MCOLN2: variants seen among roughly 807,000 people sequenced by gnomAD.
MCOLN2 encodes mucolipin TRP cation channel 2.
A neutral mutation model predicts 67.5 loss-of-function variants in MCOLN2; 57 were observed. The observed-to-expected ratio is 0.84, with a 90% confidence interval of 0.68 to 1.05. The LOEUF is 1.05. Among genes scored for constraint, MCOLN2 ranks in the 50% least tolerant of loss-of-function variants. The probability of loss-of-function intolerance (pLI) is 0.00; values close to 1 mark genes in which losing one functional copy is unlikely to be tolerated. For missense variants in MCOLN2, 620 were observed against 678.8 expected, an observed-to-expected ratio of 0.91 and a Z score of 0.96; for synonymous variants, 246 against 233.3, an observed-to-expected ratio of 1.05 and a Z score of -0.50.
chr1:84,970,308 C>A (rs1240651729), intron 1 of MCOLN2, among the ~76,000 whole-genome samples: 1 of 149,660 alleles, frequency 6.7e-6, no homozygotes, highest in African/African-American at 2.5e-5. Flanking sequence ...GTGAGAAACA[C>A]TGAACTGAAG....
chr1:84,952,774 C>T (rs1038434670), intron 4 of MCOLN2, among the ~76,000 whole-genome samples: 2 of 152,216 alleles, frequency 1.3e-5, no homozygotes, highest in African/African-American at 4.8e-5. Flanking sequence ...CAGACATGTA[C>T]CTCCTGATAC....
At chr1:84,952,152 C>T (rs1648519420) in intron 6 of MCOLN2, 91 bp downstream of exon 6, 1 of 780,158 alleles carries the variant, frequency 1.3e-6, no homozygotes, top group East Asian at 2.6e-5. Flanking sequence ...GCATTTAACA[C>T]ATCTGTAGGC....
At chr1:84,981,287 A>T (rs1650244250) in intron 1 of MCOLN2, among the ~76,000 whole-genome samples, 2 of 152,232 alleles carry the variant, frequency 1.3e-5, no homozygotes, top group African/African-American at 4.8e-5. Context: ...CATATGATCT[A>T]GCAATCCCAC....
At chr1:84,987,065 T>C (rs892642793) in intron 1 of MCOLN2, among the ~76,000 whole-genome samples, 4 of 152,124 alleles carry the variant, frequency 2.6e-5, no homozygotes, top group East Asian at 1.9e-4. Context: ...ATGAAAAAGA[T>C]ACTTGTACAC....
intron 1 of MCOLN2, among the ~76,000 whole-genome samples, chr1:84,979,897 A>G (rs899753643): frequency 2.6e-5 from 4 of 152,218 alleles, no homozygotes; most frequent in South Asian, 4.1e-4. Context: ...CCTTGTTTGT[A>G]GATGAGATGA....
intron 7 of MCOLN2, among the ~76,000 whole-genome samples, chr1:84,946,268 T>C (rs1648098862): frequency 6.6e-6 from 1 of 152,226 alleles, no homozygotes; most frequent in Non-Finnish European, 1.5e-5. Context: ...TCATACTTTT[T>C]GTATGTATAC....
chr1:84,996,807 C>T lies in MCOLN2; in HGVS notation c.66G>A (p.Arg22=). ...CCCAGACTCCTCACCTGACGGTTAA[C>T]CTGAAAACACCTGATCCTCTCTCCG... The part of the protein sequence containing the change: ...RIPERGSGVF[R]LTVRNAMAHR... Residue 22 remains arginine, a synonymous_variant, in exon 1 of 14, where the codon AGG becomes AGA. Transcript: ENST00000370608. The T allele has an allele frequency of 6.2e-7, 1 of 1,614,070 alleles. No individual in the cohort carries two copies. Among genetic ancestry groups the T allele is most frequent in the South Asian group, 1.1e-5 (1 of 91,060 alleles).
chr1:84,970,045 C>T (rs932169101), intron 1 of MCOLN2, among the ~76,000 whole-genome samples: 1 of 152,220 alleles, frequency 6.6e-6, no homozygotes, highest in Non-Finnish European at 1.5e-5. Flanking sequence ...ACTTTCAGAT[C>T]TCCTGAGAAC....
rs534080055 is a variant in MCOLN2, at chr1:84,952,487, C to T, written c.609G>A (p.Pro203=). 17 of 1,613,182 alleles carry T rather than the reference C, an allele frequency of 1.1e-5. No homozygotes were observed. Among genetic ancestry groups the T allele is most frequent in the African/African-American group, 5.3e-5 (4 of 74,996 alleles). The change falls in exon 5 of 14, where the codon CCG becomes CCA. Residue 203 remains proline (P), a synonymous_variant. Coordinates refer to ENST00000370608, the MANE Select transcript of MCOLN2 (RefSeq NM_153259.4). The stretch of plus-strand genomic sequence containing the variant: ...TGAAGAATGATGAGTTCTTCCAGTC[C>T]GGAGGCTTCTTGGAGAGGTCCTGAA... The part of the protein sequence containing the change: ...LDLQDLSKKP[P]DWKNSSFFRL...
intron 7 of MCOLN2, among the ~76,000 whole-genome samples, chr1:84,944,306 G>A (rs1397914394): frequency 2.6e-5 from 4 of 152,106 alleles, no homozygotes; most frequent in African/African-American, 7.2e-5. Flanking sequence ...AGGCCGAGGC[G>A]GGCAGATCAT....
intron 1 of MCOLN2, among the ~76,000 whole-genome samples, chr1:84,986,191 G>A (rs896725902): frequency 6.6e-6 from 1 of 152,152 alleles, no homozygotes; most frequent in Non-Finnish European, 1.5e-5. Flanking sequence ...ATAAAGTGGG[G>A]AAAGGATACC....
In MCOLN2 at chr1:84,931,262, C is replaced by T. The variant is rs536518181; in HGVS notation, c.1542+100G>A. The T allele has an allele frequency of 3.5e-4, 281 of 807,254 alleles. 6 individuals carry two copies. In the South Asian group the frequency reaches 4.7e-3, roughly 14 times the overall value. 50.0% of individuals were successfully genotyped at this position (807,254 alleles called of 1,614,324 possible). On this transcript the variant is annotated intron_variant, in intron 12 of 13. Transcript: ENST00000370608. ...AAGTTTGTCCACAAAACCTCAAAATCTGAACTGTAATATTTTAAGTTTTTA... is the reference window on the plus strand; with the variant it reads ...AAGTTTGTCCACAAAACCTCAAAATTTGAACTGTAATATTTTAAGTTTTTA...
At chr1:84,931,949 A>T (rs1647207208) in intron 11 of MCOLN2, among the ~76,000 whole-genome samples, 1 of 151,414 alleles carries the variant, frequency 6.6e-6, no homozygotes, top group Admixed American at 6.6e-5. Context: ...TCTTGCATCC[A>T]GGAGGTTCAG....
chr1:84,995,217 A>G (rs1651085903), intron 1 of MCOLN2, among the ~76,000 whole-genome samples: 3 of 152,038 alleles, frequency 2.0e-5, no homozygotes, highest in Non-Finnish European at 4.4e-5. Flanking sequence ...TGAAATATTG[A>G]GAGAATTGCC....
chr1:84,985,739 G>A (rs1487980134), intron 1 of MCOLN2, among the ~76,000 whole-genome samples: 1 of 152,108 alleles, frequency 6.6e-6, no homozygotes, highest in Admixed American at 6.5e-5. Context: ...TAACCAAGGA[G>A]GTGAAAGACC....
At position 84,939,720 on chromosome 1, in the gene MCOLN2, A is replaced by G. The variant is rs1270190693; in HGVS notation, c.961-18T>C. 3.7e-5 allele frequency: 60 copies of G among 1,613,686 alleles called. No individual in the cohort carries two copies. The highest frequency in any genetic ancestry group is 5.1e-5 in the Non-Finnish European group (60 of 1,179,842). On this transcript the variant is annotated intron_variant, in intron 8 of 13. Transcript: ENST00000370608. ...AGAAATCTCTATGGCAAACATTTAA[A>G]GAAGCGTTTCTTACAAACCACACTG...
At chr1:84,952,552 A>G in intron 4 of MCOLN2, 22 bp from the exon 5 acceptor site, 6 of 1,525,790 alleles carry the variant, frequency 3.9e-6, no homozygotes, top group Non-Finnish European at 5.5e-6. Flanking sequence ...AAAGAACAAG[A>G]AATGGTTGTT....
intron 1 of MCOLN2, among the ~76,000 whole-genome samples, chr1:84,982,043 G>C (rs972944116): frequency 1.4e-5 from 2 of 146,316 alleles, no homozygotes; most frequent in South Asian, 2.1e-4. Flanking sequence ...AAAAATAGGA[G>C]AGCTAACACT....
intron 4 of MCOLN2, among the ~76,000 whole-genome samples, chr1:84,955,024 A>C (rs1648705634): frequency 6.6e-6 from 1 of 152,170 alleles, no homozygotes; most frequent in Non-Finnish European, 1.5e-5. Context: ...AGAGGGACCC[A>C]GTAGGAGGTA....
Sources: allele counts gnomAD v4.1 joint callset (sites outside exome capture counted in the v4.1 genomes callset), GRCh38; gene constraint gnomAD v4.1.1; transcripts MANE v1.5; gene names NCBI Gene and HGNC (gene_info 2026-07-23, HGNC 2026-07-21).